The following RASAL2 variants were observed in gnomAD, a reference collection of about 807,000 sequenced individuals.
RASAL2 encodes the protein ras GTPase-activating protein nGAP.
A neutral mutation model predicts 128.9 loss-of-function variants in RASAL2; 58 were observed. The ratio of observed to expected loss-of-function variants is 0.45; its 90% CI spans 0.36 to 0.56. The LOEUF (loss-of-function observed/expected upper bound fraction) is 0.56. Ranked by LOEUF, RASAL2 falls within the 20% of genes least tolerant of loss-of-function variation. RASAL2 has a pLI of 0.00. For missense variants in RASAL2, 1,360 were observed against 1,601.6 expected (o/e 0.85, Z 2.57); for synonymous variants, 561 against 580.8 (o/e 0.97, Z 0.49).
intron 3 of RASAL2, among the ~76,000 whole-genome samples, chr1:178,317,498 A>G (rs1410196985): frequency 2.0e-5 from 3 of 150,292 alleles, no homozygotes; most frequent in Admixed American, 6.6e-5. Context: ...CAGAGATTCA[A>G]CTTCTTTCTG....
intron 3 of RASAL2, among the ~76,000 whole-genome samples, chr1:178,386,347 G>A (rs373742444): frequency 6.6e-6 from 1 of 152,112 alleles, no homozygotes; most frequent in Non-Finnish European, 1.5e-5. Context: ...TCTCTGTTTG[G>A]TCTGGATAAC....
rs754673626 is a variant in RASAL2 at position 178,442,718 on chromosome 1, T to C, written c.971T>C (p.Ile324Thr). The C allele has an allele frequency of 1.2e-6, 2 of 1,613,186 alleles. No individual in the cohort carries two copies. Among genetic ancestry groups the C allele is most frequent in the African/African-American group, 2.7e-5 (2 of 74,848 alleles). ...GAAAATGTTCTTCGTTTATGGATCA[T>C]TGAAGCCAAGGACCTTGCCCCTAAA... is the stretch of plus-strand genomic sequence containing the variant. Reference protein sequence around the residue: ...RAENVLRLWIIEAKDLAPKKK... With the variant: ...RAENVLRLWITEAKDLAPKKK... Residue 324 changes from isoleucine to threonine, a missense_variant, in exon 8 of 18, where the codon ATT (isoleucine) becomes ACT (threonine). Physicochemically the swap from Ile to Thr is moderately conservative, Grantham distance 89. This residue lies in a region of RASAL2 where 617 missense variants were observed against 714.2 expected (regional missense o/e 0.86). Transcript: ENST00000367649.
At chr1:178,440,065 AC>A (rs2102834788) in intron 6 of RASAL2, among the ~76,000 whole-genome samples, 1 of 152,080 alleles carries the variant, frequency 6.6e-6, no homozygotes, top group African/African-American at 2.4e-5. Flanking sequence ...ATCCCCTGTA[AC>A]TAACCCAGAC....
At chr1:178,227,584 T>TTTG (rs367887947) in intron 1 of RASAL2, among the ~76,000 whole-genome samples, 4 of 152,116 alleles carry the variant, frequency 2.6e-5, no homozygotes, top group Non-Finnish European at 4.4e-5. Flanking sequence ...CTGGTTGTTT[T>TTTG]TTGTTGTTGT....
At chr1:178,439,934 G>A (rs1027112436) in intron 6 of RASAL2, among the ~76,000 whole-genome samples, 6 of 151,686 alleles carry the variant, frequency 4.0e-5, no homozygotes, top group Non-Finnish European at 8.8e-5. Flanking sequence ...CAGCATCAGT[G>A]GTTCAAGATC....
At chr1:178,465,403 A>G (rs1647566779) in intron 15 of RASAL2, among the ~76,000 whole-genome samples, 2 of 152,222 alleles carry the variant, frequency 1.3e-5, no homozygotes, top group Non-Finnish European at 2.9e-5. Context: ...TGATTCTAGT[A>G]GAACAAAGGA....
intron 17 of RASAL2, chr1:178,470,584 C>A (rs1206794383): frequency 4.8e-6 from 4 of 829,416 alleles, no homozygotes; most frequent in East Asian, 6.2e-5. Context: ...CTCCCAGGAT[C>A]TCTCTATGTG....
intron 3 of RASAL2, among the ~76,000 whole-genome samples, chr1:178,365,061 C>CT (rs59259360): frequency 0.21 from 31,327 of 148,342 alleles, 5,340 homozygotes; most frequent in African/African-American, 0.48. Context: ...GACTACCTTG[C>CT]TTTTTTTTTT....
chr1:178,269,126 C>T (rs184015021), intron 1 of RASAL2, among the ~76,000 whole-genome samples: 8 of 152,190 alleles, frequency 5.3e-5, no homozygotes, highest in East Asian at 3.9e-4. Flanking sequence ...TTAATAGGGC[C>T]GTTGCCCTTA....
intron 1 of RASAL2, among the ~76,000 whole-genome samples, chr1:178,102,331 A>G (rs1454245505): frequency 2.0e-5 from 3 of 152,062 alleles, no homozygotes; most frequent in African/African-American, 7.2e-5. Flanking sequence ...TTTAAATATT[A>G]TATTTTAGAG....
chr1:178,112,873 A>G (rs1659383113), intron 1 of RASAL2, among the ~76,000 whole-genome samples: 1 of 152,024 alleles, frequency 6.6e-6, no homozygotes, highest in Admixed American at 6.5e-5. Context: ...ACTAACCTGC[A>G]CAATGTGCAC....
chr1:178,352,660 C>G (rs543829999), intron 3 of RASAL2, among the ~76,000 whole-genome samples: 1 of 152,330 alleles, frequency 6.6e-6, no homozygotes, highest in Admixed American at 6.5e-5. Context: ...GGCTCCAACC[C>G]CACATTTGTC....
Position 178,163,313 on chromosome 1 carries a change from A to G in RASAL2, c.202+68619A>G, listed in dbSNP as rs561869344. On this transcript the variant is annotated intron_variant, in intron 1 of 17. Transcript: ENST00000367649. ...TTTGAAGGATATATTTTAAATTTTT[A>G]TGATGTCCAGTTTTTCTTTTTTCTT... Among the ~76,000 whole-genome samples, 14 of 152,154 alleles carry G rather than the reference A, an allele frequency of 9.2e-5. 1 individual carries two copies. Among genetic ancestry groups the G allele is most frequent in the African/African-American group, 3.4e-4 (14 of 41,516 alleles).
chr1:178,161,535 T>G (rs1033662813), intron 1 of RASAL2, among the ~76,000 whole-genome samples: 1 of 152,228 alleles, frequency 6.6e-6, no homozygotes. Context: ...CATTTGGGTT[T>G]TTTCTACCAT....
At chr1:178,368,340 A>G (rs1301023499) in intron 3 of RASAL2, among the ~76,000 whole-genome samples, 1 of 152,214 alleles carries the variant, frequency 6.6e-6, no homozygotes. Context: ...GCTAATGTGT[A>G]TAAAGCACTT....
intron 3 of RASAL2, among the ~76,000 whole-genome samples, chr1:178,389,892 C>G (rs1672792757): frequency 6.6e-6 from 1 of 152,128 alleles, no homozygotes; most frequent in South Asian, 2.1e-4. Flanking sequence ...TAAACTGTCA[C>G]ACTAAAGCAG....
rs114311245 is a variant in RASAL2, at chr1:178,271,752, C to T, written c.203-11812C>T. 7.7e-3 allele frequency among the ~76,000 whole-genome samples: 1,170 copies of T among 152,270 alleles called. 10 individuals are homozygous for T. Among genetic ancestry groups the T allele is most frequent in the Non-Finnish European group, 9.8e-3 (665 of 68,016 alleles). Reference sequence around the variant, plus strand: ...TCTGTTTAAAATTCTTCAGATGCTTCCCATTATTCATAGGATAAAAATCAA... The same window carrying T: ...TCTGTTTAAAATTCTTCAGATGCTTTCCATTATTCATAGGATAAAAATCAA... On this transcript the variant is annotated intron_variant, in intron 1 of 17. Transcript: ENST00000367649.
chr1:178,116,763 C>T (rs561114147), intron 1 of RASAL2, among the ~76,000 whole-genome samples: 2 of 152,252 alleles, frequency 1.3e-5, no homozygotes, highest in Non-Finnish European at 2.9e-5. Flanking sequence ...GCACCCACCA[C>T]CACGCCTGGC....
chr1:178,273,944 G>C (rs897780526), intron 1 of RASAL2, among the ~76,000 whole-genome samples: 1 of 152,166 alleles, frequency 6.6e-6, no homozygotes, highest in Admixed American at 6.5e-5. Flanking sequence ...AATTCCTAGT[G>C]AGTGACGGAT....
Sources: gnomAD v4.1 joint callset for allele counts (sites outside exome capture counted in the v4.1 genomes callset) on GRCh38, gnomAD v4.1.1 for gene constraint, gnomAD v4.1.1 regional missense constraint, MANE v1.5 for transcripts, NCBI Gene and HGNC (gene_info 2026-07-23, HGNC 2026-07-21) for gene names.